AFF3: variants seen among roughly 807,000 people sequenced by gnomAD.
AFF3 encodes ALF transcription elongation factor 3.
A neutral mutation model predicts 129.7 loss-of-function variants in AFF3; 32 were observed. That is an observed-to-expected ratio of 0.25 (90% confidence interval 0.19 to 0.33). The LOEUF is 0.33. Among genes scored for constraint, AFF3 ranks in the 10% least tolerant of loss-of-function variants. The pLI is 1.00. For synonymous variants in AFF3, 644 were observed against 635.4 expected (o/e 1.01, Z -0.20); for missense variants, 1,373 against 1,592.0 (o/e 0.86, Z 2.34).
intron 7 of AFF3, among the ~76,000 whole-genome samples, chr2:99,898,813 C>A (rs569405946): frequency 6.6e-6 from 1 of 152,348 alleles, no homozygotes; most frequent in East Asian, 1.9e-4. Flanking sequence ...CCACTGCCTT[C>A]AGGCCTGACA....
intron 7 of AFF3, among the ~76,000 whole-genome samples, chr2:100,003,371 T>C (rs76116865): frequency 0.011 from 1,627 of 152,326 alleles, 32 homozygotes; most frequent in African/African-American, 0.037. Context: ...TTCAGTGTGC[T>C]GTGCCCTAGA....
chr2:99,599,255 T>TTTTC (rs1344041161), intron 14 of AFF3, among the ~76,000 whole-genome samples: 1 of 152,184 alleles, frequency 6.6e-6, no homozygotes, highest in Non-Finnish European at 1.5e-5. Context: ...ACTGCTCTTT[T>TTTTC]TTTCTTTCTT....
chr2:100,138,194 A>G (rs1692709132), intron 1 of AFF3, among the ~76,000 whole-genome samples: 1 of 152,150 alleles, frequency 6.6e-6, no homozygotes, highest in African/African-American at 2.4e-5. Flanking sequence ...CTCACCATGC[A>G]TAGATGTGGG....
At chr2:99,975,342 A>T (rs1340235239) in intron 7 of AFF3, among the ~76,000 whole-genome samples, 1 of 152,212 alleles carries the variant, frequency 6.6e-6, no homozygotes, top group Non-Finnish European at 1.5e-5. Context: ...ATCTATCAAA[A>T]TTATCTAACT....
At chr2:99,644,462 C>A (rs1684515135) in intron 13 of AFF3, among the ~76,000 whole-genome samples, 1 of 152,180 alleles carries the variant, frequency 6.6e-6, no homozygotes, top group African/African-American at 2.4e-5. Flanking sequence ...CAAGTTACTG[C>A]AAATGATGCT....
chr2:99,691,449 A>G (rs1235718521), intron 11 of AFF3, among the ~76,000 whole-genome samples: 2 of 152,160 alleles, frequency 1.3e-5, no homozygotes, highest in African/African-American at 4.8e-5. Context: ...AAACTGGAGC[A>G]TTTCCTTGCT....
rs139608322 is a variant in AFF3 at position 100,013,679 on chromosome 2, C to G, written c.54-4747G>C. Among the ~76,000 whole-genome samples the G allele has an allele frequency of 2.4e-3, 368 of 152,252 alleles. 1 individual carries two copies. Among genetic ancestry groups the G allele is most frequent in the African/African-American group, 8.3e-3 (343 of 41,554 alleles). On this transcript the variant is annotated intron_variant, in intron 4 of 24. Transcript: ENST00000672756. ...ACAGGAATAAATGAAATAAGGCAAG[C>G]TATTTCCCAGTCAGACAGAGAGAAC...
intron 8 of AFF3, among the ~76,000 whole-genome samples, chr2:99,810,650 G>C (rs1191918786): frequency 6.6e-6 from 1 of 152,198 alleles, no homozygotes; most frequent in East Asian, 1.9e-4. Flanking sequence ...GAGTGTGTGT[G>C]TGTGTGTGTT....
At chr2:99,579,611 T>C (rs1042346766) in intron 17 of AFF3, among the ~76,000 whole-genome samples, 3 of 151,894 alleles carry the variant, frequency 2.0e-5, no homozygotes, top group Non-Finnish European at 4.4e-5. Context: ...TCCCAGCTAC[T>C]CAGGAGGCTG....
intron 8 of AFF3, among the ~76,000 whole-genome samples, chr2:99,797,284 G>A (rs1685619106): frequency 6.6e-6 from 1 of 152,080 alleles, no homozygotes; most frequent in Non-Finnish European, 1.5e-5. Flanking sequence ...ATCTAGAGAT[G>A]AAAACTATAT....
chr2:99,913,053 C>A (rs970115878), intron 7 of AFF3, among the ~76,000 whole-genome samples: 2 of 152,136 alleles, frequency 1.3e-5, no homozygotes, highest in African/African-American at 4.8e-5. Flanking sequence ...GTTCTGATAA[C>A]CACTGTGACA....
chr2:99,939,708 A>T (rs1674852973), intron 7 of AFF3, among the ~76,000 whole-genome samples: 1 of 152,184 alleles, frequency 6.6e-6, no homozygotes, highest in Admixed American at 6.5e-5. Context: ...GATTTCCAAA[A>T]CGAAGCTTCC....
chr2:99,894,635 A>AT (rs1270470875), intron 7 of AFF3, among the ~76,000 whole-genome samples: 109 of 144,752 alleles, frequency 7.5e-4, no homozygotes, highest in Middle Eastern at 3.5e-3. Flanking sequence ...CGCCCGGCTA[A>AT]TTTTTTTTTT....
At chr2:99,893,540 A>G (rs1412472493) in intron 7 of AFF3, among the ~76,000 whole-genome samples, 1 of 152,214 alleles carries the variant, frequency 6.6e-6, no homozygotes, top group African/African-American at 2.4e-5. Context: ...ACACAGCACA[A>G]AGGTGGCTGT....
intron 7 of AFF3, among the ~76,000 whole-genome samples, chr2:99,921,037 G>A (rs1695822631): frequency 6.6e-6 from 1 of 152,060 alleles, no homozygotes; most frequent in African/African-American, 2.4e-5. Context: ...ACTCAACAGT[G>A]CTCAGATGTC....
chr2:99,675,440 C>T (rs1387798265), intron 11 of AFF3, among the ~76,000 whole-genome samples: 3 of 152,136 alleles, frequency 2.0e-5, no homozygotes, highest in Non-Finnish European at 2.9e-5. Flanking sequence ...AGAGGTACAC[C>T]CTGAGGAGAC....
chr2:99,555,328 T>A (rs569434312), intron 22 of AFF3, among the ~76,000 whole-genome samples: 1 of 152,384 alleles, frequency 6.6e-6, no homozygotes, highest in South Asian at 2.1e-4. Context: ...GCAGAAACAG[T>A]CGACATACAT....
chr2:99,760,208 G>A (rs183335951), intron 8 of AFF3, among the ~76,000 whole-genome samples: 13 of 152,276 alleles, frequency 8.5e-5, no homozygotes, highest in Non-Finnish European at 1.8e-4. Flanking sequence ...AATATATGGG[G>A]AAGAGTTTTT....
At chr2:100,088,567 C>A (rs1689629073) in intron 4 of AFF3, among the ~76,000 whole-genome samples, 1 of 148,860 alleles carries the variant, frequency 6.7e-6, no homozygotes, top group Non-Finnish European at 1.5e-5. Flanking sequence ...TTCCAAACGT[C>A]TGGAAAACAA....
Sources: allele counts gnomAD v4.1 joint callset (sites outside exome capture counted in the v4.1 genomes callset), GRCh38; gene constraint gnomAD v4.1.1; transcripts MANE v1.5; gene names NCBI Gene and HGNC (gene_info 2026-07-23, HGNC 2026-07-21).